The following SCML4 variants were observed in gnomAD, a reference collection of about 807,000 sequenced individuals.
The protein encoded by SCML4 is sex comb on midleg-like protein 4.
Under a neutral mutation model 41.1 loss-of-function variants are expected in SCML4, and 34 were observed. The observed-to-expected ratio is 0.83, with a 90% CI of 0.63 to 1.10. The LOEUF (loss-of-function observed/expected upper bound fraction) is 1.10. SCML4 is among the 50% of genes least tolerant of loss of function. The pLI is 0.00. For synonymous variants in SCML4, 214 were observed against 220.9 expected (o/e 0.97, Z 0.28); for missense variants, 522 against 534.1 (o/e 0.98, Z 0.22).
chr6:107,819,414 G>A lies in SCML4; in HGVS notation c.-60+4712C>T, dbSNP rs541704312. Among the ~76,000 whole-genome samples the A allele has an allele frequency of 3.3e-5, 5 of 152,272 alleles. No individual in the cohort carries two copies. The East Asian group carries it at 7.7e-4, about 23-fold the overall frequency. On this transcript the variant is annotated intron_variant, in intron 1 of 7. Transcript: ENST00000369020. ...CTCCCCAAAGTTGAGTCACCATCGC[G>A]GGGCTAAGCAGACAACATCACCACC... is the stretch of plus-strand genomic sequence containing the variant.
the SCML4 span, among the ~76,000 whole-genome samples, chr6:107,842,862 T>C: frequency 7.2e-5 from 11 of 152,216 alleles, no homozygotes; most frequent in Non-Finnish European, 1.6e-4. Context: ...TTATGTCTTC[T>C]TGGAGAGTTG....
At chr6:107,842,596 C>A in the SCML4 span, among the ~76,000 whole-genome samples, 1 of 152,196 alleles carries the variant, frequency 6.6e-6, no homozygotes, top group Non-Finnish European at 1.5e-5. Flanking sequence ...TTTTGCCATG[C>A]TGGCCTAGGC....
At chr6:107,738,772 T>C (rs1777318814) in intron 5 of SCML4, among the ~76,000 whole-genome samples, 1 of 152,160 alleles carries the variant, frequency 6.6e-6, no homozygotes, top group Non-Finnish European at 1.5e-5. Flanking sequence ...CCCTTGCTAA[T>C]GCTTTGAAGG....
At chr6:107,723,335 T>C (rs1440865758) in intron 5 of SCML4, among the ~76,000 whole-genome samples, 1 of 152,144 alleles carries the variant, frequency 6.6e-6, no homozygotes, top group Non-Finnish European at 1.5e-5. Context: ...TTGGACAAAA[T>C]CATCTAACAC....
At position 107,703,428 on chromosome 6, in the gene SCML4, C is replaced by A. The variant is rs952099318; in HGVS notation, c.*1772G>T. 3.9e-5 allele frequency among the ~76,000 whole-genome samples: 6 copies of A among 152,204 alleles called. No homozygotes were observed. Among genetic ancestry groups the A allele is most frequent in the African/African-American group, 7.2e-5 (3 of 41,442 alleles). ...TCTCCTCCTCCCCTTCTCTGCCATG[C>A]TCTCAGTCCAGCCGCCATTTGTGTG... On this transcript the variant is annotated 3_prime_UTR_variant, in exon 8 of 8. Coordinates refer to ENST00000369020, the MANE Select transcript of SCML4 (RefSeq NM_198081.5).
chr6:107,712,655 C>T (rs111445160), intron 6 of SCML4, among the ~76,000 whole-genome samples: 194 of 152,196 alleles, frequency 1.3e-3, no homozygotes, highest in African/African-American at 4.3e-3. Flanking sequence ...AGTCACACCT[C>T]GGGAGCTGCT....
intron 5 of SCML4, among the ~76,000 whole-genome samples, chr6:107,741,612 G>A (rs1288812627): frequency 6.6e-6 from 1 of 152,192 alleles, no homozygotes. Flanking sequence ...CTGTAGGTTT[G>A]TCCCACAGAT....
rs1439397828 is a variant in SCML4, at chr6:107,703,470, C to T, written c.*1730G>A. Among the ~76,000 whole-genome samples the T allele has an allele frequency of 1.3e-5, 2 of 152,224 alleles. No individual in the cohort carries two copies. The highest frequency in any genetic ancestry group is 2.4e-5 in the African/African-American group (1 of 41,464). ...ATTTGTGTGTCTGAAAAGGAGGCTA[C>T]GATGTGCTTTCTCAAGTACTGCACA... On this transcript the variant is annotated 3_prime_UTR_variant, in exon 8 of 8. Coordinates refer to ENST00000369020, the MANE Select transcript of SCML4 (RefSeq NM_198081.5).
At chr6:107,762,739 A>G (rs576307288) in intron 2 of SCML4, among the ~76,000 whole-genome samples, 1 of 152,266 alleles carries the variant, frequency 6.6e-6, no homozygotes, top group Non-Finnish European at 1.5e-5. Flanking sequence ...TCTTCCTTAC[A>G]GGCTCAGAAA....
At chr6:107,819,042 A>G (rs146730476) in intron 1 of SCML4, among the ~76,000 whole-genome samples, 156 of 148,902 alleles carry the variant, frequency 1.0e-3, no homozygotes, top group African/African-American at 3.4e-3. Flanking sequence ...AAAGGCCCCT[A>G]TGGTCTATGA....
chr6:107,707,014 T>C (rs986701510), intron 7 of SCML4, among the ~76,000 whole-genome samples: 1 of 152,136 alleles, frequency 6.6e-6, no homozygotes, highest in Admixed American at 6.5e-5. Flanking sequence ...GCAACTACGT[T>C]GGTGGTAATC....
At chr6:107,797,845 A>G (rs1377217956) in intron 1 of SCML4, among the ~76,000 whole-genome samples, 3 of 151,964 alleles carry the variant, frequency 2.0e-5, no homozygotes, top group Non-Finnish European at 4.4e-5. Context: ...CAGACATTAA[A>G]TTTTGCAAAT....
chr6:107,803,611 G>C (rs1002745703), intron 1 of SCML4, among the ~76,000 whole-genome samples: 4 of 145,052 alleles, frequency 2.8e-5, no homozygotes, highest in Non-Finnish European at 6.0e-5. Flanking sequence ...ATAGAAACGG[G>C]GGAAAGGTGG....
Position 107,707,880 on chromosome 6 carries a change from G to T in SCML4, c.1105C>A (p.Leu369Ile). The T allele has an allele frequency of 6.4e-7, 1 of 1,551,700 alleles. No homozygotes were observed. The highest frequency in any genetic ancestry group is 8.7e-7 in the Non-Finnish European group (1 of 1,147,004). Residue 369 changes from leucine (L) to isoleucine (I), a missense_variant, in exon 7 of 8, where the codon CTC (leucine) becomes ATC (isoleucine). By Grantham distance (5) the Leu-to-Ile change is conservative. Coordinates refer to ENST00000369020, the MANE Select transcript of SCML4 (RefSeq NM_198081.5). ...DPQALGPHVE[L>I]FRKHEIDGNA... The stretch of plus-strand genomic sequence containing the variant: ...CACTCGCATACGTGCTTTCTGAAGA[G>T]CTCCACGTGAGGCCCCAGAGCCTGT...
At chr6:107,728,109 G>C (rs1370290259) in intron 5 of SCML4, among the ~76,000 whole-genome samples, 1 of 152,134 alleles carries the variant, frequency 6.6e-6, no homozygotes, top group Non-Finnish European at 1.5e-5. Flanking sequence ...AATGAAAAAA[G>C]ATTTAACAAA....
intron 1 of SCML4, among the ~76,000 whole-genome samples, chr6:107,812,735 G>C (rs1417419462): frequency 1.3e-5 from 2 of 152,040 alleles, no homozygotes; most frequent in Non-Finnish European, 2.9e-5. Context: ...AGCTCTTCTT[G>C]GGTCTCATGT....
rs924008527 is a variant in SCML4, at chr6:107,719,868, C to T, written c.973+835G>A. ...CTAGTCCCAGTGATTATCCACTATA[C>T]TCTATGGCCTTTAGGCACTATCAAA... On this transcript the variant is annotated intron_variant, in intron 6 of 7. Transcript: ENST00000369020. 10 of 983,250 alleles carry T rather than the reference C, an allele frequency of 1.0e-5. No individual in the cohort carries two copies. The Admixed American group carries it at 1.8e-4, about 18-fold the overall frequency. 60.9% of individuals were successfully genotyped at this position (983,250 alleles called of 1,614,324 possible). A position where few individuals can be genotyped will look rare whatever the true frequency, so the allele number is the denominator to read the frequency against.
intron 1 of SCML4, among the ~76,000 whole-genome samples, chr6:107,777,359 G>A (rs1167180689): frequency 6.6e-6 from 1 of 152,118 alleles, no homozygotes; most frequent in Admixed American, 6.6e-5. Flanking sequence ...CTCATGATCT[G>A]CCCACCTCGG....
At chr6:107,755,165 G>A (rs1779000781) in intron 2 of SCML4, among the ~76,000 whole-genome samples, 1 of 151,888 alleles carries the variant, frequency 6.6e-6, no homozygotes, top group Non-Finnish European at 1.5e-5. Context: ...ATGAAGTAAT[G>A]GAATTATAAT....
Sources: allele counts gnomAD v4.1 joint callset (sites outside exome capture counted in the v4.1 genomes callset), GRCh38; gene constraint gnomAD v4.1.1; transcripts MANE v1.5; gene names NCBI Gene and HGNC (gene_info 2026-07-23, HGNC 2026-07-21).